PRICKLE2: variants seen among roughly 807,000 people sequenced by gnomAD.
PRICKLE2 encodes prickle-like protein 2.
PRICKLE2 carries 21 observed loss-of-function variants against 81.4 expected under a neutral mutation model. The observed-to-expected ratio is 0.26, with a 90% confidence interval of 0.18 to 0.37. The LOEUF (loss-of-function observed/expected upper bound fraction) is 0.37, where lower values mean the gene tolerates loss of function less well. Among genes scored for constraint, PRICKLE2 ranks in the 10% least tolerant of loss-of-function variants. The probability of loss-of-function intolerance (pLI) is 1.00; values close to 1 mark genes in which losing one functional copy is unlikely to be tolerated. For synonymous variants in PRICKLE2, 456 were observed against 421.5 expected (o/e 1.08, Z -1.00); for missense variants, 940 against 1,109.0 (o/e 0.85, Z 2.16).
chr3:64,111,500 G>C (rs152244), intron 7 of PRICKLE2, among the ~76,000 whole-genome samples: 83,032 of 151,980 alleles, frequency 0.55, 23,435 homozygotes, highest in East Asian at 0.84. Flanking sequence ...ATTTGAGGGG[G>C]CAGGAGGCAG....
chr3:64,257,601 C>T (rs918719470), intron 2 of PRICKLE2, among the ~76,000 whole-genome samples: 1 of 152,176 alleles, frequency 6.6e-6, no homozygotes, highest in Non-Finnish European at 1.5e-5. Context: ...ATTACCACAT[C>T]CAGTCCCAGC....
chr3:64,252,861 C>T (rs2079468942), intron 2 of PRICKLE2, among the ~76,000 whole-genome samples: 1 of 152,198 alleles, frequency 6.6e-6, no homozygotes, highest in Admixed American at 6.5e-5. Context: ...CTATTCAACT[C>T]TGCCCTTGTA....
intron 7 of PRICKLE2, 60 bp downstream of exon 7, chr3:64,146,770 G>T: frequency 6.3e-7 from 1 of 1,585,112 alleles, no homozygotes. Flanking sequence ...CTGGGGACCA[G>T]CATCCAGTCA....
At chr3:64,182,703 C>T (rs2078156840) in intron 2 of PRICKLE2, 1 of 152,104 alleles carries the variant, frequency 6.6e-6, no homozygotes, top group East Asian at 1.9e-4. Flanking sequence ...TTATAAATTA[C>T]ACTGTCTCAG....
intron 5 of PRICKLE2, 39 bp downstream of exon 5, chr3:64,157,121 AGG>A: frequency 6.4e-7 from 1 of 1,565,778 alleles, no homozygotes; most frequent in South Asian, 1.1e-5. Context: ...GGTGCAATGA[AGG>A]GGTGATGGGC....
chr3:64,196,958 A>G (rs901549890), intron 2 of PRICKLE2, among the ~76,000 whole-genome samples: 2 of 152,216 alleles, frequency 1.3e-5, no homozygotes, highest in Non-Finnish European at 2.9e-5. Flanking sequence ...ATTAGTAGCT[A>G]ATTAAATTTT....
intron 2 of PRICKLE2, among the ~76,000 whole-genome samples, chr3:64,170,364 G>A (rs756579517): frequency 9.2e-5 from 14 of 152,088 alleles, no homozygotes; most frequent in African/African-American, 2.7e-4. Flanking sequence ...GTTGGATGTC[G>A]GTTCAAAACA....
chr3:64,130,872 C>T (rs185313058), intron 7 of PRICKLE2, among the ~76,000 whole-genome samples: 1 of 152,270 alleles, frequency 6.6e-6, no homozygotes, highest in African/African-American at 2.4e-5. Flanking sequence ...AAGTTGACAA[C>T]CAGTGCCTGG....
At chr3:64,259,468 G>A (rs556984328) in intron 2 of PRICKLE2, among the ~76,000 whole-genome samples, 1 of 152,192 alleles carries the variant, frequency 6.6e-6, no homozygotes, top group African/African-American at 2.4e-5. Context: ...AGCTAAGTGA[G>A]AACTTGATCC....
chr3:64,251,908 T>C (rs1446978737), intron 2 of PRICKLE2, among the ~76,000 whole-genome samples: 1 of 152,204 alleles, frequency 6.6e-6, no homozygotes. Flanking sequence ...GTTCCAGGCT[T>C]TGGGGACACA....
rs1425940086 is a variant in PRICKLE2 at position 64,157,813 on chromosome 3, T to A, written c.397-448A>T. On this transcript the variant is annotated intron_variant, in intron 4 of 7. Coordinates refer to ENST00000638394, the MANE Select transcript of PRICKLE2 (RefSeq NM_198859.4). ...TTGGAGGAGGTGGGACCTATACTTT[T>A]ATATGGGAGGGAGGGTGGATACATA... 2.0e-5 allele frequency among the ~76,000 whole-genome samples: 3 copies of A among 152,124 alleles called. No homozygotes were observed. In the East Asian group the frequency reaches 5.8e-4, roughly 29 times the overall value.
intron 1 of PRICKLE2, among the ~76,000 whole-genome samples, chr3:64,208,632 G>A (rs769876512): frequency 3.5e-4 from 53 of 152,284 alleles, no homozygotes; most frequent in Non-Finnish European, 6.3e-4. Flanking sequence ...GAACAGAGCA[G>A]CTATGTTCTA....
chr3:64,261,592 A>G (rs1465237764), intron 2 of PRICKLE2, among the ~76,000 whole-genome samples: 1 of 152,154 alleles, frequency 6.6e-6, no homozygotes, highest in Non-Finnish European at 1.5e-5. Flanking sequence ...TTCTCTTGAC[A>G]GAAGGACATT....
intron 1 of PRICKLE2, among the ~76,000 whole-genome samples, chr3:64,220,419 C>T (rs185466660): frequency 1.3e-5 from 2 of 152,174 alleles, no homozygotes; most frequent in African/African-American, 4.8e-5. Context: ...ACCTATCACT[C>T]GAGGCAGGCT....
intron 2 of PRICKLE2, among the ~76,000 whole-genome samples, chr3:64,254,180 A>G (rs1212075501): frequency 1.3e-5 from 2 of 152,202 alleles, no homozygotes; most frequent in African/African-American, 2.4e-5. Context: ...CTTTCCTTAG[A>G]TTGCTGATGC....
chr3:64,207,230 G>GA (rs1305090409), intron 1 of PRICKLE2, among the ~76,000 whole-genome samples: 1 of 152,070 alleles, frequency 6.6e-6, no homozygotes, highest in African/African-American at 2.4e-5. Flanking sequence ...AAAAAAAGAG[G>GA]AAAACATTTT....
chr3:64,239,064 G>A (rs537211777), intron 2 of PRICKLE2, among the ~76,000 whole-genome samples: 25 of 152,188 alleles, frequency 1.6e-4, no homozygotes, highest in African/African-American at 5.3e-4. Flanking sequence ...CAGGGGACAG[G>A]CCCAGACGGA....
At chr3:64,173,196 A>G (rs1392214661) in intron 2 of PRICKLE2, among the ~76,000 whole-genome samples, 1 of 152,232 alleles carries the variant, frequency 6.6e-6, no homozygotes, top group Non-Finnish European at 1.5e-5. Context: ...AAAACACTAC[A>G]AAGATTCAAT....
intron 2 of PRICKLE2, among the ~76,000 whole-genome samples, chr3:64,180,918 G>C: frequency 6.6e-6 from 1 of 152,166 alleles, no homozygotes; most frequent in East Asian, 1.9e-4. Flanking sequence ...GGGAGAAAAT[G>C]AGTCAGACAG....
Sources: gnomAD v4.1 joint callset for allele counts (sites outside exome capture counted in the v4.1 genomes callset) on GRCh38, gnomAD v4.1.1 for gene constraint, MANE v1.5 for transcripts, NCBI Gene and HGNC (gene_info 2026-07-23, HGNC 2026-07-21) for gene names.